SLC38A1: variants seen among roughly 807,000 people sequenced by gnomAD.
SLC38A1 encodes sodium-coupled neutral amino acid symporter 1.
In SLC38A1, 18 loss-of-function variants were observed where a neutral mutation model predicts 60.3. The observed-to-expected ratio is 0.30, with a 90% CI of 0.21 to 0.44. SLC38A1 has a LOEUF of 0.44. SLC38A1 is among the 20% of genes least tolerant of loss of function. The pLI is 1.00. For missense variants in SLC38A1, 448 were observed against 587.2 expected, an observed-to-expected ratio of 0.76 and a Z score of 2.45; for synonymous variants, 196 against 212.1, an observed-to-expected ratio of 0.92 and a Z score of 0.66.
chr12:46,258,418 C>T (rs939947929), intron 1 of SLC38A1, among the ~76,000 whole-genome samples: 2 of 152,038 alleles, frequency 1.3e-5, no homozygotes, highest in African/African-American at 2.4e-5. Context: ...ATCCTGGGGA[C>T]GAGACCCAAG....
intron 1 of SLC38A1, among the ~76,000 whole-genome samples, chr12:46,250,723 G>C (rs919006280): frequency 6.6e-6 from 1 of 152,100 alleles, no homozygotes; most frequent in Non-Finnish European, 1.5e-5. Flanking sequence ...GCCAAATCAT[G>C]AGTGAACTCC....
chr12:46,192,724 G>T (rs1480032039), intron 16 of SLC38A1, among the ~76,000 whole-genome samples: 1 of 152,122 alleles, frequency 6.6e-6, no homozygotes, highest in African/African-American at 2.4e-5. Context: ...TTGTGTAGAG[G>T]TGTTTATAGT....
At chr12:46,229,907 C>T (rs1412485230) in intron 3 of SLC38A1, among the ~76,000 whole-genome samples, 2 of 152,140 alleles carry the variant, frequency 1.3e-5, no homozygotes, top group Non-Finnish European at 2.9e-5. Flanking sequence ...TGCACTCTAC[C>T]TTGTACAAAA....
chr12:46,262,835 C>G (rs1029124094), intron 1 of SLC38A1, among the ~76,000 whole-genome samples: 1 of 152,154 alleles, frequency 6.6e-6, no homozygotes, highest in Non-Finnish European at 1.5e-5. Flanking sequence ...TAATTCAATA[C>G]CAGATGATGG....
intron 16 of SLC38A1, among the ~76,000 whole-genome samples, chr12:46,190,496 T>C (rs967437694): frequency 1.3e-5 from 2 of 152,210 alleles, no homozygotes; most frequent in African/African-American, 4.8e-5. Flanking sequence ...TTCTGGATCC[T>C]TGAGGAATCG....
intron 5 of SLC38A1, among the ~76,000 whole-genome samples, chr12:46,217,852 T>C (rs772443534): frequency 9.8e-5 from 15 of 152,330 alleles, no homozygotes; most frequent in Non-Finnish European, 1.8e-4. Flanking sequence ...AGAGCAATTA[T>C]TTGTACCGTT....
chr12:46,264,590 G>C (rs753803829), intron 1 of SLC38A1, among the ~76,000 whole-genome samples: 4 of 151,998 alleles, frequency 2.6e-5, no homozygotes, highest in Non-Finnish European at 4.4e-5. Flanking sequence ...TTAGGTTATT[G>C]AAGTTAATCT....
chr12:46,200,459 A>G (rs1384839134), intron 13 of SLC38A1, among the ~76,000 whole-genome samples: 3 of 152,116 alleles, frequency 2.0e-5, no homozygotes, highest in Non-Finnish European at 4.4e-5. Context: ...TAGGTCCCCA[A>G]TTATAAAGAT....
At chr12:46,193,770 G>C (rs1196498865) in intron 16 of SLC38A1, among the ~76,000 whole-genome samples, 2 of 148,006 alleles carry the variant, frequency 1.4e-5, no homozygotes, top group Non-Finnish European at 3.0e-5. Context: ...TTTTTTTTTT[G>C]CTTTCCATTT....
Position 46,209,169 on chromosome 12 carries a change from G to T in SLC38A1, c.315-42C>A, listed in dbSNP as rs758360446. 10 of 1,345,022 alleles carry T rather than the reference G, an allele frequency of 7.4e-6. No homozygotes were observed. In the East Asian group the frequency reaches 1.6e-4, roughly 22 times the overall value. The allele number at this position is 1,345,022 out of a possible 1,614,324, so 83.3% of individuals were successfully genotyped here. A position where few individuals can be genotyped will look rare whatever the true frequency, so the allele number is the denominator to read the frequency against. ...AAATCTTATTGTAATATCTAGAAAA[G>T]AATATATTCTGGCATTACAGTTTAG... On this transcript the variant is annotated intron_variant, in intron 5 of 16. Coordinates refer to ENST00000398637, the MANE Select transcript of SLC38A1 (RefSeq NM_030674.4).
intron 5 of SLC38A1, among the ~76,000 whole-genome samples, chr12:46,223,631 CAA>C (rs1480556188): frequency 1.4e-5 from 2 of 147,554 alleles, no homozygotes; most frequent in African/African-American, 2.5e-5. Flanking sequence ...AAAAAGAATC[CAA>C]AAGGTCTGGT....
At position 46,233,276 on chromosome 12, in the gene SLC38A1, G is replaced by A. The variant is rs189450107; in HGVS notation, c.123-3637C>T. Among the ~76,000 whole-genome samples the A allele has an allele frequency of 2.6e-5, 4 of 152,132 alleles. No homozygotes were observed. In the East Asian group the frequency reaches 5.8e-4, roughly 22 times the overall value. ...TGGCTCAAGTGATTCTTCCAAACTC[G>A]CCTTCCCAAAGTACTGGGATTACAG... is the stretch of plus-strand genomic sequence containing the variant. On this transcript the variant is annotated intron_variant, in intron 3 of 16. Coordinates refer to ENST00000398637, the MANE Select transcript of SLC38A1 (RefSeq NM_030674.4).
At position 46,184,918 on chromosome 12, in the gene SLC38A1, CTG is replaced by C. The variant is rs1317290565; in HGVS notation, c.*4050_*4051del. ...GCAGCCTGTGTTTAGGAATTTGCAC[CTG>C]CGCTGCTATTTTCAACGAGAAGGGG... On this transcript the variant is annotated 3_prime_UTR_variant, in exon 17 of 17. Coordinates refer to ENST00000398637, the MANE Select transcript of SLC38A1 (RefSeq NM_030674.4). The C allele has an allele frequency of 3.6e-4, 55 of 152,268 alleles. 1 individual carries two copies. The highest frequency in any genetic ancestry group is 1.2e-3 in the African/African-American group (48 of 41,558). The allele number at this position is 152,268 out of a possible 1,614,324, so 9.4% of individuals were successfully genotyped here.
intron 5 of SLC38A1, among the ~76,000 whole-genome samples, chr12:46,218,054 T>C (rs748792850): frequency 4.6e-5 from 7 of 152,142 alleles, no homozygotes; most frequent in East Asian, 1.9e-4. Context: ...CCAGTAAAAA[T>C]AGAATTTTAG....
At chr12:46,208,599 C>T (rs1940012853) in intron 6 of SLC38A1, among the ~76,000 whole-genome samples, 1 of 152,174 alleles carries the variant, frequency 6.6e-6, no homozygotes, top group South Asian at 2.1e-4. Context: ...GCCCAGAGTA[C>T]TTGAAGTCTC....
chr12:46,255,505 A>G (rs1477003495), intron 1 of SLC38A1, among the ~76,000 whole-genome samples: 1 of 152,216 alleles, frequency 6.6e-6, no homozygotes, highest in South Asian at 2.1e-4. Flanking sequence ...GCTTTATTCT[A>G]TCTAACTGAA....
At chr12:46,210,326 G>C (rs1940102506) in intron 5 of SLC38A1, among the ~76,000 whole-genome samples, 1 of 152,214 alleles carries the variant, frequency 6.6e-6, no homozygotes, top group Non-Finnish European at 1.5e-5. Context: ...CAGCAGAACA[G>C]ATGAACTGCC....
At chr12:46,195,081 C>T (rs1398123304) in intron 16 of SLC38A1, among the ~76,000 whole-genome samples, 1 of 152,118 alleles carries the variant, frequency 6.6e-6, no homozygotes, top group Non-Finnish European at 1.5e-5. Context: ...TTTTATCTAC[C>T]TTTGGTCTTT....
At position 46,195,821 on chromosome 12, in the gene SLC38A1, G is replaced by C. The variant is rs866608848; in HGVS notation, c.1362+1899C>G. On this transcript the variant is annotated intron_variant, in intron 16 of 16. Coordinates refer to ENST00000398637, the MANE Select transcript of SLC38A1 (RefSeq NM_030674.4). ...AGACTGTGGGAAAAGTGCAGTATTT[G>C]GTCAGGAGTGTACCGTTTCTCCAGT... 23 of 280,310 alleles carry C rather than the reference G, an allele frequency of 8.2e-5. No individual in the cohort carries two copies. The Middle Eastern group carries it at 3.9e-3, about 47-fold the overall frequency. 17.4% of individuals were successfully genotyped at this position (280,310 alleles called of 1,614,324 possible). A position where few individuals can be genotyped will look rare whatever the true frequency, so the allele number is the denominator to read the frequency against.
Sources: allele counts gnomAD v4.1 joint callset (sites outside exome capture counted in the v4.1 genomes callset), GRCh38; gene constraint gnomAD v4.1.1; transcripts MANE v1.5; gene names NCBI Gene and HGNC (gene_info 2026-07-23, HGNC 2026-07-21).